SLC38A9: variants seen among roughly 807,000 people sequenced by gnomAD.
SLC38A9 encodes the protein solute carrier family 38 member 9, also known as neutral amino acid transporter 9.
Under a neutral mutation model 62.3 loss-of-function variants are expected in SLC38A9, and 48 were observed. The observed-to-expected ratio is 0.77, with a 90% confidence interval of 0.61 to 0.98. The LOEUF (loss-of-function observed/expected upper bound fraction) is 0.98, where lower values mean the gene tolerates loss of function less well. Ranked by LOEUF, SLC38A9 falls within the 50% of genes least tolerant of loss-of-function variation. SLC38A9 has a pLI of 0.00. For missense variants in SLC38A9, 541 were observed against 679.8 expected (o/e 0.80, Z 2.27); for synonymous variants, 204 against 227.7 (o/e 0.90, Z 0.94).
chr5:55,636,649 C>T (rs1744439263), intron 12 of SLC38A9, among the ~76,000 whole-genome samples: 1 of 152,158 alleles, frequency 6.6e-6, no homozygotes, highest in Admixed American at 6.5e-5. Context: ...TTACTTTCTT[C>T]CTTAAATGGG....
chr5:55,638,930 C>G (rs1207697336), intron 12 of SLC38A9, among the ~76,000 whole-genome samples: 1 of 152,116 alleles, frequency 6.6e-6, no homozygotes, highest in Admixed American at 6.6e-5. Flanking sequence ...TCCACACAAC[C>G]AGGAGGGTTA....
In SLC38A9 at chr5:55,669,800, C is replaced by T. The variant is rs1396216285; in HGVS notation, c.326G>A (p.Ser109Asn). Reference sequence around the variant, plus strand: ...GTTTTTACCGTATCCTTCAGTGTAACTTTGAAGTTTATAAGCAGAGCCCAA... The same window carrying T: ...GTTTTTACCGTATCCTTCAGTGTAATTTTGAAGTTTATAAGCAGAGCCCAA... ...SPLGSAYKLQSYTEGYGKNTS... is the reference protein window; with the variant it reads ...SPLGSAYKLQNYTEGYGKNTS... The change falls in exon 5 of 16, where the codon AGT (serine) becomes AAT (asparagine). Residue 109 changes from serine (S) to asparagine (N), a missense_variant. Physicochemically the swap from Ser to Asn is conservative, Grantham distance 46 (BLOSUM62 1). Transcript: ENST00000396865. 2 of 1,613,768 alleles carry T rather than the reference C, an allele frequency of 1.2e-6. No individual in the cohort carries two copies. The highest frequency in any genetic ancestry group is 1.7e-5 in the Admixed American group (1 of 59,928).
At chr5:55,661,086 T>TAAAA (rs59678801) in intron 8 of SLC38A9, among the ~76,000 whole-genome samples, 89,792 of 150,854 alleles carry the variant, frequency 0.6, 27,393 homozygotes, top group South Asian at 0.69. Flanking sequence ...AAGAAAAACT[T>TAAAA]AAAATTTTTT....
intron 15 of SLC38A9, 88 bp downstream of exon 15, chr5:55,627,803 A>G (rs569014448): frequency 1.6e-5 from 13 of 804,532 alleles, no homozygotes; most frequent in Admixed American, 1.1e-4. Context: ...AATTTCATAC[A>G]ATTAAATTAA....
chr5:55,699,189 A>C (rs1756319440), intron 2 of SLC38A9, among the ~76,000 whole-genome samples: 1 of 152,178 alleles, frequency 6.6e-6, no homozygotes, highest in Non-Finnish European at 1.5e-5. Context: ...CAGGAGGTGG[A>C]GGCTGCAGTG....
At chr5:55,665,377 A>C (rs1458633282) in intron 7 of SLC38A9, among the ~76,000 whole-genome samples, 1 of 151,852 alleles carries the variant, frequency 6.6e-6, no homozygotes, top group Non-Finnish European at 1.5e-5. Flanking sequence ...GAAACCCCAT[A>C]TCTATCAAAA....
intron 12 of SLC38A9, among the ~76,000 whole-genome samples, chr5:55,645,309 A>G (rs1746144474): frequency 6.6e-6 from 1 of 151,626 alleles, no homozygotes; most frequent in Non-Finnish European, 1.5e-5. Flanking sequence ...CCTGCCTCGG[A>G]CTCCCAAAGT....
At chr5:55,655,160 C>G (rs186645048) in intron 9 of SLC38A9, among the ~76,000 whole-genome samples, 4 of 152,262 alleles carry the variant, frequency 2.6e-5, no homozygotes, top group African/African-American at 9.6e-5. Flanking sequence ...TTTACACTAA[C>G]TGAAATGGAT....
intron 8 of SLC38A9, among the ~76,000 whole-genome samples, chr5:55,663,202 A>G (rs1015017641): frequency 6.7e-6 from 1 of 148,852 alleles, no homozygotes; most frequent in Non-Finnish European, 1.5e-5. Context: ...GCCTGTGCCT[A>G]TAATTCAAGC....
intron 8 of SLC38A9, chr5:55,657,839 G>T (rs934625669): frequency 6.6e-6 from 1 of 152,150 alleles, no homozygotes; most frequent in African/African-American, 2.4e-5. Flanking sequence ...CATCTTCACC[G>T]TATGTTTCTC....
At chr5:55,707,955 G>C (rs916525805) in intron 2 of SLC38A9, among the ~76,000 whole-genome samples, 5 of 152,124 alleles carry the variant, frequency 3.3e-5, no homozygotes, top group African/African-American at 1.2e-4. Flanking sequence ...GCACCATCTT[G>C]GAAGCAGAGA....
rs767469999 is a variant in SLC38A9 at position 55,697,988 on chromosome 5, T to C, written c.-30A>G. On this transcript the variant is annotated 5_prime_UTR_variant, in exon 3 of 16. Coordinates refer to ENST00000396865, the MANE Select transcript of SLC38A9 (RefSeq NM_173514.4). ...CTCACACTCTAAGCACTGAAGAAGTTAGTCCTACACAAAGAAGATAAATAA... is the reference window on the plus strand; with the variant it reads ...CTCACACTCTAAGCACTGAAGAAGTCAGTCCTACACAAAGAAGATAAATAA... 9.0e-7 allele frequency: 1 copy of C among 1,110,060 alleles called. No homozygotes were observed. Among genetic ancestry groups the C allele is most frequent in the Non-Finnish European group, 1.3e-6 (1 of 745,080 alleles). 68.8% of individuals were successfully genotyped at this position (1,110,060 alleles called of 1,614,324 possible). A position where few individuals can be genotyped will look rare whatever the true frequency, so the allele number is the denominator to read the frequency against.
chr5:55,691,681 A>G (rs1322937637), intron 3 of SLC38A9, among the ~76,000 whole-genome samples: 1 of 152,172 alleles, frequency 6.6e-6, no homozygotes, highest in Non-Finnish European at 1.5e-5. Context: ...AACCTCTTAG[A>G]CTGGTACTTG....
chr5:55,698,782 C>T (rs937423182), intron 2 of SLC38A9, among the ~76,000 whole-genome samples: 1 of 152,122 alleles, frequency 6.6e-6, no homozygotes, highest in East Asian at 1.9e-4. Context: ...ACAAACAAAA[C>T]TAGCTGGGCA....
In SLC38A9 at chr5:55,700,359, C is replaced by CAAAAA. The variant is rs145225219; in HGVS notation, c.-34-2368_-34-2367insTTTTT. Among the ~76,000 whole-genome samples, 345 of 138,992 alleles carry CAAAAA rather than the reference C, an allele frequency of 2.5e-3. 5 individuals carry two copies. The highest frequency in any genetic ancestry group is 3.2e-3 in the East Asian group (15 of 4,742). 91.2% of individuals were successfully genotyped at this position (138,992 alleles called of 152,430 possible). On this transcript the variant is annotated intron_variant, in intron 2 of 15. Coordinates refer to ENST00000396865, the MANE Select transcript of SLC38A9 (RefSeq NM_173514.4). ...CCCCAATTAAAAAAAATAAAACAAG[C>CAAAAA]CAAAAAAAAAAAGAACTAAAATCCC...
chr5:55,695,286 T>TA lies in SLC38A9; in HGVS notation c.113+2559dup, dbSNP rs1554067772. 1.5e-3 allele frequency among the ~76,000 whole-genome samples: 219 copies of TA among 150,520 alleles called. No individual in the cohort carries two copies. In the Middle Eastern group the frequency reaches 0.017, roughly 12 times the overall value. On this transcript the variant is annotated intron_variant, in intron 3 of 15. Transcript: ENST00000396865. ...TTAAGACCATTTCTTTTTTTTTTTT[T>TA]ATTGATCATTCTTGGGTGTTTCTCA...
At position 55,652,579 on chromosome 5, in the gene SLC38A9, GGGA is replaced by G; in HGVS notation, c.899_901del (p.Leu300del). 5 of 1,610,522 alleles carry G rather than the reference GGGA, an allele frequency of 3.1e-6. No individual in the cohort carries two copies. Among genetic ancestry groups the G allele is most frequent in the South Asian group, 1.1e-5 (1 of 90,594 alleles). ...TGAAGGAGACTTGAAATTGAGCAGT[GGGA>G]GGAGGAGCCCTACAAGATAAAAGGG... On this transcript the variant is annotated inframe_deletion, in exon 10 of 16. Transcript: ENST00000396865.
chr5:55,698,516 C>T (rs1306994487), intron 2 of SLC38A9, among the ~76,000 whole-genome samples: 1 of 152,202 alleles, frequency 6.6e-6, no homozygotes, highest in Non-Finnish European at 1.5e-5. Flanking sequence ...AATAATAAAT[C>T]ATCCCCTTTC....
At chr5:55,671,596 G>A (rs1248172120) in intron 4 of SLC38A9, among the ~76,000 whole-genome samples, 4 of 149,922 alleles carry the variant, frequency 2.7e-5, no homozygotes, top group African/African-American at 4.9e-5. Flanking sequence ...AGTGGCTCAC[G>A]CCTGTAATCC....
Sources: allele counts gnomAD v4.1 joint callset (sites outside exome capture counted in the v4.1 genomes callset), GRCh38; gene constraint gnomAD v4.1.1; transcripts MANE v1.5; gene names NCBI Gene and HGNC (gene_info 2026-07-23, HGNC 2026-07-21).